The following DIS3 variants were observed in gnomAD, a reference collection of about 807,000 sequenced individuals.
DIS3 encodes DIS3 exosome endoribonuclease and 3'-5' exoribonuclease.
Under a neutral mutation model 113.0 loss-of-function variants are expected in DIS3, and 103 were observed. The ratio of observed to expected loss-of-function variants is 0.91; its 90% CI spans 0.78 to 1.07. The LOEUF is 1.07. DIS3 is among the 50% of genes least tolerant of loss of function. The probability of loss-of-function intolerance (pLI) is 0.00; values close to 1 mark genes in which losing one functional copy is unlikely to be tolerated. For synonymous variants in DIS3, 402 were observed against 394.3 expected, an observed-to-expected ratio of 1.02 and a Z score of -0.23; for missense variants, 1,121 against 1,167.1, an observed-to-expected ratio of 0.96 and a Z score of 0.58.
At chr13:72,771,178 T>C in intron 11 of DIS3, 33 bp from the exon 12 acceptor site, 2 of 1,564,866 alleles carry the variant, frequency 1.3e-6, no homozygotes, top group South Asian at 2.2e-5. Context: ...CACAGATTAC[T>C]TAGCCATAAC....
At chr13:72,765,923 A>G in intron 15 of DIS3, 49 bp downstream of exon 15, 1 of 1,340,728 alleles carries the variant, frequency 7.5e-7, no homozygotes, top group Non-Finnish European at 1.0e-6. Context: ...TAGACATGAC[A>G]ATTAAAATAA....
intron 14 of DIS3, among the ~76,000 whole-genome samples, chr13:72,767,133 TAATAC>T (rs1269044346): frequency 1.3e-5 from 2 of 152,144 alleles, no homozygotes; most frequent in African/African-American, 4.8e-5. Context: ...CCATGAGTAT[TAATAC>T]TTTAGAAGGC....
At position 72,754,343 on chromosome 13, in the gene DIS3, A is replaced by T; in HGVS notation, c.*5452T>A. ...TTTTTTTTTTTTGAGACAGGGTCTT[A>T]CTCTGTCACCCGGGCTGGAGTGCAG... is the stretch of plus-strand genomic sequence containing the variant. On this transcript the variant is annotated 3_prime_UTR_variant, in exon 21 of 21. Coordinates refer to ENST00000377767, the MANE Select transcript of DIS3 (RefSeq NM_014953.5). 1.4e-5 allele frequency: 2 copies of T among 139,176 alleles called. No individual in the cohort carries two copies. Among genetic ancestry groups the T allele is most frequent in the Non-Finnish European group, 1.5e-5 (1 of 66,704 alleles). 8.6% of individuals were successfully genotyped at this position (139,176 alleles called of 1,614,324 possible). A position where few individuals can be genotyped will look rare whatever the true frequency, so the allele number is the denominator to read the frequency against.
intron 11 of DIS3, among the ~76,000 whole-genome samples, chr13:72,771,451 A>G (rs1326225179): frequency 6.6e-6 from 1 of 152,218 alleles, no homozygotes; most frequent in Non-Finnish European, 1.5e-5. Flanking sequence ...GTATAAGTTT[A>G]TACTTGATAC....
Position 72,773,807 on chromosome 13 carries a change from G to T in DIS3, c.1116C>A (p.Leu372=). Residue 372 remains leucine, a synonymous_variant, in exon 8 of 21, where the codon CTC becomes CTA. Coordinates refer to ENST00000377767, the MANE Select transcript of DIS3 (RefSeq NM_014953.5). ...KSDIKESRRH[L]FTPADKRIPR... ...GGATTCTCTTATCAGCAGGTGTAAA[G>T]AGATGTCTTCTTGACTAGCAAAAAT... is the stretch of plus-strand genomic sequence containing the variant. The T allele has an allele frequency of 1.2e-6, 2 of 1,611,856 alleles. No homozygotes were observed. The highest frequency in any genetic ancestry group is 1.7e-6 in the Non-Finnish European group (2 of 1,179,534).
chr13:72,780,184 G>A (rs968055660), intron 2 of DIS3, among the ~76,000 whole-genome samples: 2 of 151,724 alleles, frequency 1.3e-5, no homozygotes, highest in African/African-American at 4.8e-5. Flanking sequence ...AAATTAGCCT[G>A]GCATAGTGGT....
At chr13:72,763,665 C>T in intron 15 of DIS3, 58 bp from the exon 16 acceptor site, 1 of 1,496,158 alleles carries the variant, frequency 6.7e-7, no homozygotes. Context: ...TTCTATATAT[C>T]ATATTTTTTC....
intron 5 of DIS3, 98 bp downstream of exon 5, chr13:72,775,827 C>T (rs2034001369): frequency 3.8e-6 from 4 of 1,046,618 alleles, no homozygotes; most frequent in Non-Finnish European, 5.3e-6. Flanking sequence ...GTATGTGAAG[C>T]CTCATATGTT....
At position 72,781,622 on chromosome 13, in the gene DIS3, T is replaced by C. The variant is rs992093467; in HGVS notation, c.211A>G (p.Asn71Asp). The change falls in exon 1 of 21, where the codon AAT (asparagine) becomes GAT (aspartate). Residue 71 changes from asparagine to aspartate, a missense_variant. Coordinates refer to ENST00000377767, the MANE Select transcript of DIS3 (RefSeq NM_014953.5). ...CCACGCACCTGGTGCAGTAACACAT[T>C]AGTGTCGGGCAGCAAGTAGTGCGGT... ...PQPHYLLPDT[N>D]VLLHQIDVLE... 2.9e-5 allele frequency: 44 copies of C among 1,534,732 alleles called. No individual in the cohort carries two copies. Among genetic ancestry groups the C allele is most frequent in the Non-Finnish European group, 3.9e-5 (44 of 1,138,762 alleles).
chr13:72,755,373 A>G lies in DIS3; in HGVS notation c.*4422T>C. On this transcript the variant is annotated 3_prime_UTR_variant, in exon 21 of 21. Coordinates refer to ENST00000377767, the MANE Select transcript of DIS3 (RefSeq NM_014953.5). ...AAAATCAAGGGCTTACTGACATAGGAACAACAGAAATGCTCCTGGAACTTC... is the reference window on the plus strand; with the variant it reads ...AAAATCAAGGGCTTACTGACATAGGGACAACAGAAATGCTCCTGGAACTTC... 12 of 561,692 alleles carry G rather than the reference A, an allele frequency of 2.1e-5. No homozygotes were observed. The highest frequency in any genetic ancestry group is 3.7e-5 in the Non-Finnish European group (12 of 322,650). 34.8% of individuals were successfully genotyped at this position (561,692 alleles called of 1,614,324 possible). A position where few individuals can be genotyped will look rare whatever the true frequency, so the allele number is the denominator to read the frequency against.
Position 72,776,059 on chromosome 13 carries a change from C to G in DIS3, c.688G>C (p.Glu230Gln). The change falls in exon 5 of 21, where the codon GAG becomes CAG. Residue 230 changes from glutamate to glutamine, a missense_variant. Transcript: ENST00000377767. ...TGTAGCTTACTTAAGGGAAGATGCT[C>G]TGAAAATATTATTTTTCCACTTTCT... is the stretch of plus-strand genomic sequence containing the variant. The part of the protein sequence containing the change: ...EIESGKIIFS[E>Q]HLPLSKLQQG... 6.3e-7 allele frequency: 1 copy of G among 1,597,244 alleles called. No individual in the cohort carries two copies. Among genetic ancestry groups the G allele is most frequent in the Non-Finnish European group, 8.5e-7 (1 of 1,175,634 alleles).
At chr13:72,778,441 T>G (rs2034073955) in intron 2 of DIS3, 61 bp from the exon 3 acceptor site, 1 of 1,378,516 alleles carries the variant, frequency 7.3e-7, no homozygotes. Flanking sequence ...ATGTGAAAAC[T>G]CTTAGCACAT....
At position 72,773,742 on chromosome 13, in the gene DIS3, T is replaced by C; in HGVS notation, c.1181A>G (p.Glu394Gly). 6.2e-7 allele frequency: 1 copy of C among 1,614,058 alleles called. No homozygotes were observed. Among genetic ancestry groups the C allele is most frequent in the Non-Finnish European group, 8.5e-7 (1 of 1,179,992 alleles). ...RIETRQASTLEGRRIIVAIDG... is the reference protein window; with the variant it reads ...RIETRQASTLGGRRIIVAIDG... ...AATAGCAACAATAATTCTCCGTCCT[T>C]CTAATGTGGAAGCCTGTCTGGTTTC... Residue 394 changes from glutamate (E) to glycine (G), a missense_variant, in exon 8 of 21, where the codon GAA becomes GGA. Physicochemically the swap from Glu to Gly is moderately conservative, Grantham distance 98 (BLOSUM62 -2). Coordinates refer to ENST00000377767, the MANE Select transcript of DIS3 (RefSeq NM_014953.5).
Position 72,756,003 on chromosome 13 carries a change from G to C in DIS3, c.*3792C>G. 2.5e-6 allele frequency: 1 copy of C among 398,478 alleles called. No homozygotes were observed. Among genetic ancestry groups the C allele is most frequent in the Non-Finnish European group, 4.4e-6 (1 of 225,982 alleles). The allele number at this position is 398,478 out of a possible 1,614,324, so 24.7% of individuals were successfully genotyped here. ...GAGAGTGGAGTTCCCGTAGGGCATA[G>C]GCCTGTGAAGTAACACTGGGGCAGA... On this transcript the variant is annotated 3_prime_UTR_variant, in exon 21 of 21. Coordinates refer to ENST00000377767, the MANE Select transcript of DIS3 (RefSeq NM_014953.5).
In DIS3 at chr13:72,755,750, T is replaced by G. The variant is rs1162806696; in HGVS notation, c.*4045A>C. ...GTCTGTTCACCTCTGTGGGGAAAATTCTTAGTTCCAGTGATAACTGTTCTA... is the reference window on the plus strand; with the variant it reads ...GTCTGTTCACCTCTGTGGGGAAAATGCTTAGTTCCAGTGATAACTGTTCTA... On this transcript the variant is annotated 3_prime_UTR_variant, in exon 21 of 21. Transcript: ENST00000377767. 7.5e-6 allele frequency: 3 copies of G among 397,394 alleles called. No individual in the cohort carries two copies. Among genetic ancestry groups the G allele is most frequent in the African/African-American group, 6.2e-5 (3 of 48,618 alleles). 24.6% of individuals were successfully genotyped at this position (397,394 alleles called of 1,614,324 possible).
At chr13:72,765,646 T>TG (rs2033726765) in intron 15 of DIS3, among the ~76,000 whole-genome samples, 1 of 152,202 alleles carries the variant, frequency 6.6e-6, no homozygotes, top group African/African-American at 2.4e-5. Context: ...TGGGAACCCC[T>TG]GCACTACAGT....
intron 11 of DIS3, 99 bp from the exon 12 acceptor site, chr13:72,771,244 AAG>A (rs2033879809): frequency 2.1e-6 from 2 of 974,320 alleles, no homozygotes; most frequent in Admixed American, 2.6e-5. Context: ...AAGGAAAGAA[AAG>A]AGTGTTCTGC....
chr13:72,771,056 A>C, intron 12 of DIS3, 25 bp downstream of exon 12: 1 of 1,611,820 alleles, frequency 6.2e-7, no homozygotes, highest in Non-Finnish European at 8.5e-7. Context: ...AATGTCTTCA[A>C]GGAAAAAAAA....
rs1048387264 is a variant in DIS3, at chr13:72,753,049, T to C, written c.*6746A>G. Reference sequence around the variant, plus strand: ...TTTAAGCCTTAATTTCCTTCTCTAGTAAAGTATTAGGGTTGTTGAAAGGAG... The same window carrying C: ...TTTAAGCCTTAATTTCCTTCTCTAGCAAAGTATTAGGGTTGTTGAAAGGAG... On this transcript the variant is annotated 3_prime_UTR_variant, in exon 21 of 21. Coordinates refer to ENST00000377767, the MANE Select transcript of DIS3 (RefSeq NM_014953.5). The C allele has an allele frequency of 2.0e-5, 3 of 152,198 alleles. No homozygotes were observed. The highest frequency in any genetic ancestry group is 4.8e-5 in the African/African-American group (2 of 41,460). 9.4% of individuals were successfully genotyped at this position (152,198 alleles called of 1,614,324 possible). A position where few individuals can be genotyped will look rare whatever the true frequency, so the allele number is the denominator to read the frequency against.
Sources: allele counts gnomAD v4.1 joint callset (sites outside exome capture counted in the v4.1 genomes callset), GRCh38; gene constraint gnomAD v4.1.1; transcripts MANE v1.5; gene names NCBI Gene and HGNC (gene_info 2026-07-23, HGNC 2026-07-21).